Variants in SMOC2 observed in about 807,000 individuals in gnomAD.
The protein encoded by SMOC2 is SPARC-related modular calcium-binding protein 2.
A neutral mutation model predicts 61.4 loss-of-function variants in SMOC2; 39 were observed. The ratio of observed to expected loss-of-function variants is 0.64; its 90% confidence interval spans 0.49 to 0.83. The LOEUF (loss-of-function observed/expected upper bound fraction) is 0.83. Ranked by LOEUF, SMOC2 falls within the 40% of genes least tolerant of loss-of-function variation. The pLI is 0.00. For missense variants in SMOC2, 556 were observed against 592.9 expected, an observed-to-expected ratio of 0.94 and a Z score of 0.65; for synonymous variants, 247 against 239.9, an observed-to-expected ratio of 1.03 and a Z score of -0.27.
intron 9 of SMOC2, among the ~76,000 whole-genome samples, chr6:168,636,537 C>T (rs1353339404): frequency 6.6e-6 from 1 of 152,176 alleles, no homozygotes; most frequent in Admixed American, 6.5e-5. Context: ...AAACATGTAC[C>T]AGACAGTAGA....
intron 11 of SMOC2, among the ~76,000 whole-genome samples, chr6:168,659,662 T>TAGGTTGTGTG: frequency 7.3e-6 from 1 of 136,972 alleles, no homozygotes; most frequent in South Asian, 2.3e-4. Context: ...GTGGAGGTTG[T>TAGGTTGTGTG]AGGCTGGGTG....
At chr6:168,532,431 TC>T (rs1554235920) in intron 4 of SMOC2, among the ~76,000 whole-genome samples, 2 of 147,344 alleles carry the variant, frequency 1.4e-5, no homozygotes, top group African/African-American at 5.0e-5. Flanking sequence ...CTCACCACCC[TC>T]CCCCCCTCCC....
intron 9 of SMOC2, among the ~76,000 whole-genome samples, chr6:168,624,602 GCACAGACA>G (rs1435748448): frequency 1.4e-4 from 14 of 100,446 alleles, no homozygotes; most frequent in African/African-American, 4.9e-4. Flanking sequence ...ACACAGATGT[GCACAGACA>G]CACAGAGACA....
intron 7 of SMOC2, among the ~76,000 whole-genome samples, chr6:168,577,374 T>G (rs1784829401): frequency 6.6e-6 from 1 of 152,198 alleles, no homozygotes; most frequent in South Asian, 2.1e-4. Flanking sequence ...GCTCTCTCTC[T>G]TTTAGTCTCT....
chr6:168,467,145 A>ACG (rs1156514078), intron 1 of SMOC2, among the ~76,000 whole-genome samples: 1 of 132,724 alleles, frequency 7.5e-6, no homozygotes, highest in Non-Finnish European at 1.5e-5. Context: ...AAACACACAC[A>ACG]CACACACACA....
intron 9 of SMOC2, among the ~76,000 whole-genome samples, chr6:168,642,790 A>T (rs1786925683): frequency 6.6e-6 from 1 of 152,198 alleles, no homozygotes; most frequent in Non-Finnish European, 1.5e-5. Flanking sequence ...TCCTAACACG[A>T]TACTTTTTTT....
At chr6:168,530,681 A>G (rs1170432986) in intron 4 of SMOC2, among the ~76,000 whole-genome samples, 2 of 145,494 alleles carry the variant, frequency 1.4e-5, no homozygotes, top group Non-Finnish European at 3.0e-5. Context: ...GGCAGAAATG[A>G]AAAACCGTGA....
chr6:168,619,624 T>C (rs1786194996), intron 9 of SMOC2, among the ~76,000 whole-genome samples: 1 of 152,232 alleles, frequency 6.6e-6, no homozygotes, highest in South Asian at 2.1e-4. Flanking sequence ...TCTGAATTGA[T>C]TGAGGCTCTA....
intron 10 of SMOC2, among the ~76,000 whole-genome samples, chr6:168,651,159 T>A (rs1562405138): frequency 6.6e-6 from 1 of 152,242 alleles, no homozygotes; most frequent in Non-Finnish European, 1.5e-5. Context: ...ATGACAACGT[T>A]TAATCTGAAG....
intron 4 of SMOC2, among the ~76,000 whole-genome samples, chr6:168,541,248 C>A (rs1203916281): frequency 1.3e-5 from 2 of 152,126 alleles, no homozygotes. Context: ...CTTTGGAATC[C>A]AAGGCTGAGG....
At chr6:168,490,686 G>A (rs1782453458) in intron 1 of SMOC2, among the ~76,000 whole-genome samples, 2 of 152,192 alleles carry the variant, frequency 1.3e-5, no homozygotes. Context: ...GAGACAGCAG[G>A]TCAGTGCACC....
At chr6:168,648,500 G>A (rs1583185911) in intron 9 of SMOC2, among the ~76,000 whole-genome samples, 1 of 152,238 alleles carries the variant, frequency 6.6e-6, no homozygotes, top group South Asian at 2.1e-4. Flanking sequence ...CCCCTCCCAG[G>A]GAGCCGAGGC....
intron 9 of SMOC2, among the ~76,000 whole-genome samples, chr6:168,633,857 T>A (rs1786638049): frequency 6.6e-6 from 1 of 152,220 alleles, no homozygotes; most frequent in Admixed American, 6.5e-5. Flanking sequence ...AATCCCCATG[T>A]GTCGTGAGAG....
chr6:168,469,514 C>T (rs190722846), intron 1 of SMOC2, among the ~76,000 whole-genome samples: 82 of 152,312 alleles, frequency 5.4e-4, no homozygotes, highest in African/African-American at 1.9e-3. Context: ...GGTTTGAATA[C>T]AGAAGCAATT....
rs1308336409 is a variant in SMOC2, at chr6:168,598,871, A to G, written c.691A>G (p.Lys231Glu). ...QSALEEAKQP[K>E]NDNVVIPECA... ...TGCCCTGGAGGAAGCCAAGCAGCCC[A>G]AGAACGACAATGTGGTGATCCCTGA... The change falls in exon 8 of 13, where the codon AAG (lysine) becomes GAG (glutamate). Residue 231 changes from lysine to glutamate, a missense_variant. Transcript: ENST00000356284. The G allele has an allele frequency of 6.2e-7, 1 of 1,613,874 alleles. No homozygotes were observed. The highest frequency in any genetic ancestry group is 2.2e-5 in the East Asian group (1 of 44,868).
intron 1 of SMOC2, among the ~76,000 whole-genome samples, chr6:168,492,107 T>C (rs901534165): frequency 1.3e-5 from 2 of 152,222 alleles, no homozygotes; most frequent in African/African-American, 4.8e-5. Flanking sequence ...CAATTTTTTA[T>C]TCATGGAAGA....
intron 1 of SMOC2, among the ~76,000 whole-genome samples, chr6:168,501,204 A>C (rs77973234): frequency 6.6e-6 from 1 of 152,234 alleles, no homozygotes; most frequent in African/African-American, 2.4e-5. Context: ...CTGAATCTCA[A>C]ATAAAACTGG....
intron 9 of SMOC2, among the ~76,000 whole-genome samples, chr6:168,643,797 C>G (rs527582998): frequency 2.0e-5 from 3 of 152,232 alleles, no homozygotes; most frequent in Non-Finnish European, 2.9e-5. Flanking sequence ...CTCAGTTTCT[C>G]CCTCAGACAC....
intron 4 of SMOC2, among the ~76,000 whole-genome samples, chr6:168,533,140 T>TGAATTTCCTCCCTGCTCTAG: frequency 5.3e-5 from 8 of 152,190 alleles, no homozygotes; most frequent in Non-Finnish European, 1.0e-4. Context: ...CTCTGCGGTC[T>TGAATTTCCTCCCTGCTCTAG]GAATTTCCTC....
Sources: allele counts gnomAD v4.1 joint callset (sites outside exome capture counted in the v4.1 genomes callset), GRCh38; gene constraint gnomAD v4.1.1; transcripts MANE v1.5; gene names NCBI Gene and HGNC (gene_info 2026-07-23, HGNC 2026-07-21).